SLC5A10: variants seen among roughly 807,000 people sequenced by gnomAD.
SLC5A10 encodes sodium/mannose cotransporter SLC5A10.
In SLC5A10, 55 loss-of-function variants were observed where a neutral mutation model predicts 68.9. That is an observed-to-expected ratio of 0.80 (90% confidence interval 0.64 to 1.00). The LOEUF (loss-of-function observed/expected upper bound fraction) is 1.00, where lower values mean the gene tolerates loss of function less well. Ranked by LOEUF, SLC5A10 falls within the 50% of genes least tolerant of loss-of-function variation. The pLI is 0.00. For missense variants in SLC5A10, 732 were observed against 819.3 expected (o/e 0.89, Z 1.30); for synonymous variants, 344 against 344.8 (o/e 1.00, Z 0.02).
intron 9 of SLC5A10, among the ~76,000 whole-genome samples, chr17:19,008,153 G>T (rs1333203282): frequency 6.6e-6 from 1 of 152,174 alleles, no homozygotes; most frequent in African/African-American, 2.4e-5. Context: ...GGTTGTAAAA[G>T]GGAGTTTCTT....
intron 9 of SLC5A10, among the ~76,000 whole-genome samples, chr17:18,998,723 G>C (rs539095514): frequency 9.2e-5 from 14 of 152,318 alleles, no homozygotes; most frequent in African/African-American, 3.4e-4. Context: ...GTTAACACCT[G>C]GGATTACTTT....
intron 1 of SLC5A10, among the ~76,000 whole-genome samples, chr17:18,955,803 C>T (rs1042997971): frequency 1.3e-5 from 2 of 152,306 alleles, no homozygotes; most frequent in South Asian, 2.1e-4. Context: ...GTGGTGTCCA[C>T]GTGGTTCCTG....
chr17:19,015,200 G>GTACGGGGGTGGGGGCCGT lies in SLC5A10; in HGVS notation c.1241+17_1241+18insGTTACGGGGGTGGGGGCC. 7.2e-7 allele frequency: 1 copy of GTACGGGGGTGGGGGCCGT among 1,396,216 alleles called. No homozygotes were observed. The allele number at this position is 1,396,216 out of a possible 1,614,324, so 86.5% of individuals were successfully genotyped here. A position where few individuals can be genotyped will look rare whatever the true frequency, so the allele number is the denominator to read the frequency against. Reference sequence around the variant, plus strand: ...AGCGGGAGCTCCTGCTGGTGGGACGGTACGGGGGTGGGGGCCAGTACGGGG... The same window carrying GTACGGGGGTGGGGGCCGT: ...AGCGGGAGCTCCTGCTGGTGGGACGGTACGGGGGTGGGGGCCGTTACGGGGGTGGGGGCCAGTACGGGG... On this transcript the variant is annotated splice_donor_variant, in intron 11 of 14. Coordinates refer to ENST00000395645, the MANE Select transcript of SLC5A10 (RefSeq NM_001042450.4). LOFTEE classifies it high-confidence loss of function.
chr17:18,971,551 G>A lies in SLC5A10; in HGVS notation c.846+333G>A. On this transcript the variant is annotated intron_variant, in intron 8 of 14. Transcript: ENST00000395645. The surrounding 1 kb of genome is among the most constrained non-coding windows in gnomAD (Gnocchi z 5.5). ...GGCGGGCATTTTGGGCCAGTCTTGGGCTGCCGGGATCCGGAAGCAGGCGGG... is the reference window on the plus strand; with the variant it reads ...GGCGGGCATTTTGGGCCAGTCTTGGACTGCCGGGATCCGGAAGCAGGCGGG... The A allele has an allele frequency of 6.2e-7, 1 of 1,613,898 alleles. No individual in the cohort carries two copies. Among genetic ancestry groups the A allele is most frequent in the Non-Finnish European group, 8.5e-7 (1 of 1,180,024 alleles).
chr17:19,004,219 C>G lies in SLC5A10; in HGVS notation c.983-9191C>G, dbSNP rs1597897317. On this transcript the variant is annotated intron_variant, in intron 9 of 14. Transcript: ENST00000395645. The surrounding 1 kb of genome is among the most constrained non-coding windows in gnomAD (Gnocchi z 5.4). ...GGCTCGGCGGGGAGGGCGGGCCGCG[C>G]GGGGAGGGGCGGCGGGGGCGGGGCC... 1.7e-4 allele frequency: 20 copies of G among 120,834 alleles called. No homozygotes were observed. Among genetic ancestry groups the G allele is most frequent in the South Asian group, 6.7e-4 (6 of 8,992 alleles). The allele number at this position is 120,834 out of a possible 1,614,324, so 7.5% of individuals were successfully genotyped here. A position where few individuals can be genotyped will look rare whatever the true frequency, so the allele number is the denominator to read the frequency against.
chr17:19,015,239 A>T (rs200517724), intron 11 of SLC5A10, 40 bp downstream of exon 11: 1 of 842,226 alleles, frequency 1.2e-6, no homozygotes, highest in Non-Finnish European at 1.7e-6. Flanking sequence ...GGGGAACACT[A>T]CAAGGGTGGG....
Position 18,968,112 on chromosome 17 carries a change from C to T in SLC5A10, c.454-940C>T, listed in dbSNP as rs1191951421. Among the ~76,000 whole-genome samples the T allele has an allele frequency of 1.3e-5, 2 of 152,074 alleles. No homozygotes were observed. The highest frequency in any genetic ancestry group is 2.9e-5 in the Non-Finnish European group (2 of 67,986). On this transcript the variant is annotated intron_variant, in intron 5 of 14. Coordinates refer to ENST00000395645, the MANE Select transcript of SLC5A10 (RefSeq NM_001042450.4). The surrounding 1 kb of genome is among the most constrained non-coding windows in gnomAD (Gnocchi z 4.1). Reference sequence around the variant, plus strand: ...GTGTCAGACCCCAGGAGGCAGGGATCCCTGCCTGGGGGAGCTCAAAGGGGC... The same window carrying T: ...GTGTCAGACCCCAGGAGGCAGGGATTCCTGCCTGGGGGAGCTCAAAGGGGC...
In SLC5A10 at chr17:18,971,922, C is replaced by T. The variant is rs1328641299; in HGVS notation, c.846+704C>T. Among the ~76,000 whole-genome samples, 1 of 152,220 alleles carries T rather than the reference C, an allele frequency of 6.6e-6. No individual in the cohort carries two copies. The highest frequency in any genetic ancestry group is 1.5e-5 in the Non-Finnish European group (1 of 68,028). On this transcript the variant is annotated intron_variant, in intron 8 of 14. Transcript: ENST00000395645. The surrounding 1 kb of genome is among the most constrained non-coding windows in gnomAD (Gnocchi z 5.5). ...TTTAGTCACTCGATGCCTCAGTTCC[C>T]CTGTCTGTAATATGGGAATAATCCT...
In SLC5A10 at chr17:19,003,603, C is replaced by T. The variant is rs768815400; in HGVS notation, c.983-9807C>T. ...ATGGGGGGCTGCATGTAGACGCTAG[C>T]CCGGGTCACGCCGCGGTAGGCGATG... On this transcript the variant is annotated intron_variant, in intron 9 of 14. Transcript: ENST00000395645. The surrounding 1 kb of genome is among the most constrained non-coding windows in gnomAD (Gnocchi z 4.5). The T allele has an allele frequency of 1.9e-6, 3 of 1,611,086 alleles. No homozygotes were observed. The South Asian group carries it at 3.3e-5, about 18-fold the overall frequency.
intron 7 of SLC5A10, chr17:18,970,723 G>C: frequency 2.2e-6 from 1 of 454,760 alleles, no homozygotes. Flanking sequence ...TGAGTGTCCA[G>C]AGGCCAACAG....
intron 9 of SLC5A10, chr17:18,977,964 G>C (rs775468730): frequency 1.9e-6 from 3 of 1,592,796 alleles, no homozygotes; most frequent in Middle Eastern, 1.7e-4. Flanking sequence ...CCCACCCCGA[G>C]GCTCTCGGGG....
At chr17:19,005,086 G>A (rs1210531248) in intron 9 of SLC5A10, among the ~76,000 whole-genome samples, 1 of 152,202 alleles carries the variant, frequency 6.6e-6, no homozygotes, top group African/African-American at 2.4e-5. Context: ...GCTGTGCCCA[G>A]TTTCGCCGGC....
intron 5 of SLC5A10, among the ~76,000 whole-genome samples, chr17:18,965,392 A>G (rs1469874749): frequency 6.6e-6 from 1 of 152,234 alleles, no homozygotes; most frequent in East Asian, 1.9e-4. Context: ...GTGTCAGTGC[A>G]GAGCCCACCC....
At chr17:18,966,377 T>C (rs1309455087) in intron 5 of SLC5A10, among the ~76,000 whole-genome samples, 1 of 152,020 alleles carries the variant, frequency 6.6e-6, no homozygotes, top group African/African-American at 2.4e-5. Context: ...CCTGGTGCAG[T>C]CTTGTTGATT....
intron 9 of SLC5A10, among the ~76,000 whole-genome samples, chr17:19,007,689 A>G (rs1307068369): frequency 1.3e-5 from 2 of 152,204 alleles, no homozygotes; most frequent in African/African-American, 4.8e-5. Flanking sequence ...GTGCTCTGCA[A>G]ATATTTTCTC....
In SLC5A10 at chr17:19,003,633, C is replaced by A. The variant is rs377192102; in HGVS notation, c.983-9777C>A. The A allele has an allele frequency of 6.2e-7, 1 of 1,612,118 alleles. No homozygotes were observed. The highest frequency in any genetic ancestry group is 8.5e-7 in the Non-Finnish European group (1 of 1,179,510). ...GTCACGCCGCGGTAGGCGATGGTGTCGGGCCAGCCCAGGTCCAGCTGCGGG... is the reference window on the plus strand; with the variant it reads ...GTCACGCCGCGGTAGGCGATGGTGTAGGGCCAGCCCAGGTCCAGCTGCGGG... On this transcript the variant is annotated intron_variant, in intron 9 of 14. Coordinates refer to ENST00000395645, the MANE Select transcript of SLC5A10 (RefSeq NM_001042450.4). The surrounding 1 kb of genome is among the most constrained non-coding windows in gnomAD (Gnocchi z 4.5).
intron 9 of SLC5A10, among the ~76,000 whole-genome samples, chr17:18,981,687 A>G (rs2043136907): frequency 6.6e-6 from 1 of 152,112 alleles, no homozygotes; most frequent in Admixed American, 6.5e-5. Flanking sequence ...TCTGATGCCC[A>G]CCTGTGGGAT....
At chr17:18,965,327 G>A (rs2151996638) in intron 5 of SLC5A10, among the ~76,000 whole-genome samples, 1 of 152,298 alleles carries the variant, frequency 6.6e-6, no homozygotes, top group African/African-American at 2.4e-5. Flanking sequence ...AAATGGGCAA[G>A]GCTCAGGGGC....
intron 9 of SLC5A10, among the ~76,000 whole-genome samples, chr17:18,991,754 C>T (rs1283162463): frequency 2.6e-5 from 4 of 152,194 alleles, no homozygotes; most frequent in Admixed American, 1.3e-4. Context: ...CTGGAATCTG[C>T]GCAGGCCACA....
Sources: gnomAD v4.1 joint callset for allele counts (sites outside exome capture counted in the v4.1 genomes callset) on GRCh38, gnomAD v4.1.1 for gene constraint, Gnocchi (gnomAD v3.1) non-coding constraint, MANE v1.5 for transcripts, NCBI Gene and HGNC (gene_info 2026-07-23, HGNC 2026-07-21) for gene names.